The following TBC1D31 variants were observed in gnomAD, a reference collection of about 807,000 sequenced individuals.
TBC1D31 encodes the protein WD repeat domain 67.
Under a neutral mutation model 132.9 loss-of-function variants are expected in TBC1D31, and 99 were observed. The observed-to-expected ratio is 0.74, with a 90% CI of 0.63 to 0.88. TBC1D31 has a LOEUF of 0.88. Among genes scored for constraint, TBC1D31 ranks in the 40% least tolerant of loss-of-function variants. The probability of loss-of-function intolerance (pLI) is 0.00; values close to 1 mark genes in which losing one functional copy is unlikely to be tolerated. For synonymous variants in TBC1D31, 385 were observed against 419.4 expected, an observed-to-expected ratio of 0.92 and a Z score of 1.00; for missense variants, 1,134 against 1,256.6, an observed-to-expected ratio of 0.90 and a Z score of 1.48.
At chr8:123,142,135 G>T in intron 18 of TBC1D31, 127 bp from the exon 19 acceptor site, 1 of 596,428 alleles carries the variant, frequency 1.7e-6, no homozygotes, top group Middle Eastern at 4.8e-4. Flanking sequence ...ACACTCCCAG[G>T]TGATTCTAAT....
chr8:123,134,530 A>G (rs969809190), intron 17 of TBC1D31, among the ~76,000 whole-genome samples: 1 of 150,528 alleles, frequency 6.6e-6, no homozygotes, highest in Non-Finnish European at 1.5e-5. Context: ...CCTATCTCCA[A>G]AAAAAAAAGA....
chr8:123,121,517 C>A (rs903660213), intron 11 of TBC1D31, among the ~76,000 whole-genome samples: 2 of 152,080 alleles, frequency 1.3e-5, no homozygotes, highest in Non-Finnish European at 2.9e-5. Flanking sequence ...TAGTGCCATT[C>A]CCTTGGTTGT....
chr8:123,152,779 G>A (rs1308931569), downstream of TBC1D31, among the ~76,000 whole-genome samples: 2 of 152,078 alleles, frequency 1.3e-5, no homozygotes, highest in African/African-American at 4.8e-5. Context: ...GCAGGGGGAG[G>A]GGAATCACTT....
chr8:123,153,360 T>A (rs1822905555), downstream of TBC1D31, among the ~76,000 whole-genome samples: 1 of 152,208 alleles, frequency 6.6e-6, no homozygotes, highest in Admixed American at 6.5e-5. Flanking sequence ...CAGGTCTCTT[T>A]TGCAGCTACA....
chr8:123,089,575 G>T (rs1816133654), intron 4 of TBC1D31, among the ~76,000 whole-genome samples: 3 of 152,264 alleles, frequency 2.0e-5, no homozygotes, highest in South Asian at 4.1e-4. Context: ...TGGTATGCTG[G>T]TGTGTGCCTG....
At chr8:123,081,733 T>C (rs1343004313) in intron 2 of TBC1D31, among the ~76,000 whole-genome samples, 3 of 152,174 alleles carry the variant, frequency 2.0e-5, no homozygotes, top group African/African-American at 7.2e-5. Flanking sequence ...ACTTCTTACG[T>C]AGTGGTGGCA....
At chr8:123,159,280 A>G in the TBC1D31 span, among the ~76,000 whole-genome samples, 1,462 of 121,228 alleles carry the variant, frequency 0.012, 34 homozygotes, top group African/African-American at 0.044. Flanking sequence ...AAAAAAAAAA[A>G]AAAGAAAAAG....
intron 6 of TBC1D31, among the ~76,000 whole-genome samples, chr8:123,099,743 G>T (rs1021118504): frequency 3.3e-5 from 5 of 152,140 alleles, no homozygotes; most frequent in Non-Finnish European, 7.4e-5. Flanking sequence ...AGTCTGTTTT[G>T]TGCTGCTGTA....
chr8:123,126,751 T>A (rs916288925), intron 13 of TBC1D31, 64 bp downstream of exon 13: 10 of 1,444,098 alleles, frequency 6.9e-6, no homozygotes, highest in African/African-American at 2.9e-5. Context: ...ATTTTTTTTT[T>A]AATTTTTTGA....
At chr8:123,164,085 T>C in the TBC1D31 span, among the ~76,000 whole-genome samples, 4 of 152,242 alleles carry the variant, frequency 2.6e-5, no homozygotes, top group African/African-American at 4.8e-5. Flanking sequence ...CTTGTTTCAC[T>C]CAGCTTCAGG....
rs74694274 is a variant in TBC1D31, at chr8:123,084,118, C to T, written c.341-44C>T. On this transcript the variant is annotated intron_variant, in intron 3 of 21. Coordinates refer to ENST00000287380, the MANE Select transcript of TBC1D31 (RefSeq NM_145647.4). ...GTTTATATGTAATGTTACTTCTAGA[C>T]GTACAGTGTTTTACCTGGGTAACAA... 1.5e-3 allele frequency: 2,224 copies of T among 1,529,830 alleles called. 2 individuals are homozygous for T. The highest frequency in any genetic ancestry group is 1.8e-3 in the Non-Finnish European group (1,964 of 1,109,890). The allele number at this position is 1,529,830 out of a possible 1,614,324, so 94.8% of individuals were successfully genotyped here. A position where few individuals can be genotyped will look rare whatever the true frequency, so the allele number is the denominator to read the frequency against.
chr8:123,158,348 A>G, the TBC1D31 span, among the ~76,000 whole-genome samples: 4 of 152,192 alleles, frequency 2.6e-5, no homozygotes, highest in Non-Finnish European at 5.9e-5. Flanking sequence ...TTTTCGCCGT[A>G]TGTACATTTA....
At chr8:123,098,528 T>C (rs1414668129) in intron 6 of TBC1D31, among the ~76,000 whole-genome samples, 3 of 152,178 alleles carry the variant, frequency 2.0e-5, no homozygotes, top group African/African-American at 7.2e-5. Context: ...CCTCAAGTGA[T>C]CCACCTGCCT....
In TBC1D31 at chr8:123,140,842, G is replaced by A; in HGVS notation, c.2581G>A (p.Glu861Lys). 6.2e-7 allele frequency: 1 copy of A among 1,613,666 alleles called. No individual in the cohort carries two copies. The highest frequency in any genetic ancestry group is 8.5e-7 in the Non-Finnish European group (1 of 1,179,872). The change falls in exon 18 of 22, where the codon GAA becomes AAA. Residue 861 changes from glutamate (E) to lysine (K), a missense_variant. By Grantham distance (56) the Glu-to-Lys change is moderately conservative (BLOSUM62 1). Transcript: ENST00000287380. ...CTATAGACGAAAAGTGGATCTTGAA[G>A]AACACATGTTTCATAAGCTGATAGA... ...DAYRRKVDLE[E>K]HMFHKLIEAG...
At chr8:123,095,847 C>T (rs903112517) in intron 5 of TBC1D31, among the ~76,000 whole-genome samples, 3 of 152,134 alleles carry the variant, frequency 2.0e-5, no homozygotes, top group African/African-American at 7.2e-5. Context: ...GCTAGGGGTT[C>T]TCATTTTGAC....
intron 5 of TBC1D31, among the ~76,000 whole-genome samples, chr8:123,094,117 T>C (rs554345809): frequency 1.8e-3 from 269 of 152,046 alleles, no homozygotes; most frequent in African/African-American, 6.3e-3. Flanking sequence ...CAGACTGGAG[T>C]GTAGTGGCAT....
intron 11 of TBC1D31, among the ~76,000 whole-genome samples, chr8:123,120,396 G>T (rs1450289246): frequency 6.6e-6 from 1 of 152,218 alleles, no homozygotes; most frequent in Admixed American, 6.5e-5. Context: ...TGGAGGCCGG[G>T]CACGGTGGCT....
chr8:123,144,727 C>G lies in TBC1D31; in HGVS notation c.2846C>G (p.Ala949Gly). The change falls in exon 20 of 22, where the codon GCT (alanine) becomes GGT (glycine). Residue 949 changes from alanine to glycine, a missense_variant. Physicochemically the swap from Ala to Gly is moderately conservative, Grantham distance 60 (BLOSUM62 0). Transcript: ENST00000287380. The part of the protein sequence containing the change: ...VEEEAKKWKE[A>G]EGKEFRLRSA... ...TTTATTTGAATTTAGTGGAAGGAAG[C>G]TGAAGGAAAAGAGTTCCGTTTGAGA... 2 of 1,603,540 alleles carry G rather than the reference C, an allele frequency of 1.2e-6. No individual in the cohort carries two copies. The highest frequency in any genetic ancestry group is 1.7e-6 in the Non-Finnish European group (2 of 1,177,408).
intron 10 of TBC1D31, among the ~76,000 whole-genome samples, chr8:123,110,010 G>T (rs1798780848): frequency 6.6e-6 from 1 of 152,084 alleles, no homozygotes; most frequent in South Asian, 2.1e-4. Context: ...GGGAGAATCG[G>T]TTGAACCCTG....
Sources: allele counts gnomAD v4.1 joint callset (sites outside exome capture counted in the v4.1 genomes callset), GRCh38; gene constraint gnomAD v4.1.1; transcripts MANE v1.5; gene names NCBI Gene and HGNC (gene_info 2026-07-23, HGNC 2026-07-21).